The following EFCAB6 variants were observed in gnomAD, a reference collection of about 807,000 sequenced individuals.
EFCAB6 encodes the protein EF-hand calcium binding domain 6.
Under a neutral mutation model 169.8 loss-of-function variants are expected in EFCAB6, and 156 were observed. The ratio of observed to expected loss-of-function variants is 0.92; its 90% CI spans 0.81 to 1.05. The LOEUF is 1.05. EFCAB6 is among the 50% of genes least tolerant of loss of function. EFCAB6 has a pLI of 0.00. For synonymous variants in EFCAB6, 698 were observed against 676.4 expected (o/e 1.03, Z -0.50); for missense variants, 1,800 against 1,829.1 (o/e 0.98, Z 0.29).
At position 43,600,130 on chromosome 22, in the gene EFCAB6, G is replaced by A. The variant is rs757760448; in HGVS notation, c.2815C>T (p.Gln939Ter). The A allele has an allele frequency of 2.5e-6, 4 of 1,614,010 alleles. No individual in the cohort carries two copies. The highest frequency in any genetic ancestry group is 8.5e-7 in the Non-Finnish European group (1 of 1,180,030). The change falls in exon 23 of 32, where the codon CAG (glutamine) becomes TAG (stop). Residue 939 changes from glutamine to a stop codon, truncating the protein, a stop_gained. Coordinates refer to ENST00000262726, the MANE Select transcript of EFCAB6 (RefSeq NM_022785.4). LOFTEE classifies it high-confidence loss of function. ...FNFMGHFTKP[Q>*]QLQEEMKELQ... ...TCCTTCATCTCTTCCTGTAGCTGCT[G>A]TGGCTTTGTAAAATGACCCATGAAG... is the stretch of plus-strand genomic sequence containing the variant.
chr22:43,790,251 A>C (rs2062235244), intron 2 of EFCAB6, among the ~76,000 whole-genome samples: 1 of 152,202 alleles, frequency 6.6e-6, no homozygotes, highest in Non-Finnish European at 1.5e-5. Context: ...AATCCCACAC[A>C]CATCCTTCTT....
chr22:43,707,573 A>G (rs751386049), intron 10 of EFCAB6, among the ~76,000 whole-genome samples: 23 of 152,246 alleles, frequency 1.5e-4, no homozygotes, highest in Admixed American at 1.0e-3. Context: ...TCACAGCAAC[A>G]GCAGAGGCCA....
chr22:43,540,490 T>A, intron 27 of EFCAB6, 133 bp from the exon 28 acceptor site: 9 of 1,533,666 alleles, frequency 5.9e-6, no homozygotes, highest in East Asian at 4.9e-5. Flanking sequence ...AGAAGAAAAT[T>A]AAAAAAATAA....
chr22:43,797,999 G>GA (rs772918048), intron 2 of EFCAB6, among the ~76,000 whole-genome samples: 13 of 152,110 alleles, frequency 8.5e-5, no homozygotes, highest in Non-Finnish European at 1.9e-4. Flanking sequence ...CACTTGAGTG[G>GA]ACATCAGGAT....
chr22:43,598,642 G>T (rs1438874884), intron 23 of EFCAB6, among the ~76,000 whole-genome samples: 1 of 152,130 alleles, frequency 6.6e-6, no homozygotes, highest in Non-Finnish European at 1.5e-5. Flanking sequence ...ATCTAAAAGA[G>T]TATAATTGGA....
chr22:43,606,611 C>G (rs545572458), intron 22 of EFCAB6, among the ~76,000 whole-genome samples: 2 of 152,324 alleles, frequency 1.3e-5, no homozygotes, highest in South Asian at 2.1e-4. Context: ...GGAGGCCACA[C>G]AGCAGGAAGC....
intron 26 of EFCAB6, among the ~76,000 whole-genome samples, 186 bp downstream of exon 26, chr22:43,576,111 G>A (rs1307821909): frequency 2.6e-5 from 4 of 152,044 alleles, no homozygotes; most frequent in Non-Finnish European, 4.4e-5. Flanking sequence ...TTCCAACAAA[G>A]TAAAGGATGC....
intron 2 of EFCAB6, among the ~76,000 whole-genome samples, chr22:43,805,327 C>T (rs957171155): frequency 6.6e-6 from 1 of 152,194 alleles, no homozygotes; most frequent in Admixed American, 6.5e-5. Flanking sequence ...CGATGTGATA[C>T]ATATACCCAA....
intron 6 of EFCAB6, among the ~76,000 whole-genome samples, chr22:43,751,431 G>C (rs1280768127): frequency 6.6e-6 from 1 of 152,172 alleles, no homozygotes; most frequent in Non-Finnish European, 1.5e-5. Flanking sequence ...CGTTAGCCTG[G>C]CAACACACTG....
chr22:43,776,126 G>A (rs920537969), intron 3 of EFCAB6, among the ~76,000 whole-genome samples: 2 of 152,234 alleles, frequency 1.3e-5, no homozygotes, highest in Non-Finnish European at 2.9e-5. Context: ...ATCTAAGCGG[G>A]ATGTCCATCT....
intron 30 of EFCAB6, among the ~76,000 whole-genome samples, chr22:43,532,479 G>A (rs912249385): frequency 2.0e-5 from 3 of 152,244 alleles, no homozygotes; most frequent in Non-Finnish European, 4.4e-5. Flanking sequence ...TTGCTGCCAC[G>A]TGTCTCCATG....
chr22:43,532,140 A>C (rs1475935800), intron 30 of EFCAB6: 2 of 141,474 alleles, frequency 1.4e-5, no homozygotes, highest in East Asian at 4.1e-4. Context: ...GGATTTGAGG[A>C]GTGGGGGCGG....
intron 26 of EFCAB6, among the ~76,000 whole-genome samples, chr22:43,555,621 G>A (rs993735650): frequency 3.3e-5 from 5 of 152,222 alleles, no homozygotes; most frequent in African/African-American, 1.2e-4. Flanking sequence ...CTGAAACTTT[G>A]TGAGACCCAC....
At chr22:43,797,498 A>C (rs1160623462) in intron 2 of EFCAB6, 2 of 152,368 alleles carry the variant, frequency 1.3e-5, no homozygotes, top group African/African-American at 4.8e-5. Flanking sequence ...AGGAAACCTT[A>C]GGCAAATCAC....
At chr22:43,549,581 T>C (rs2048267128) in intron 27 of EFCAB6, among the ~76,000 whole-genome samples, 1 of 152,194 alleles carries the variant, frequency 6.6e-6, no homozygotes, top group African/African-American at 2.4e-5. Context: ...CCTTGGTGGC[T>C]TTACAAGCAT....
chr22:43,784,664 C>CATATATATGTGTGTAT (rs1256765173), intron 2 of EFCAB6, among the ~76,000 whole-genome samples: 1 of 69,130 alleles, frequency 1.4e-5, no homozygotes, highest in Admixed American at 2.3e-4. Flanking sequence ...TGTATATATA[C>CATATATATGTGTGTAT]ATATACATAT....
intron 30 of EFCAB6, among the ~76,000 whole-genome samples, chr22:43,533,995 G>T (rs775141653): frequency 2.0e-5 from 3 of 152,224 alleles, no homozygotes; most frequent in Non-Finnish European, 4.4e-5. Flanking sequence ...GCTCATGCCT[G>T]TAATCACAGA....
At chr22:43,793,173 G>A (rs1331335888) in intron 2 of EFCAB6, among the ~76,000 whole-genome samples, 1 of 152,088 alleles carries the variant, frequency 6.6e-6, no homozygotes, top group East Asian at 1.9e-4. Flanking sequence ...ACACTTAGTT[G>A]AAGACAGCAT....
chr22:43,718,330 T>C (rs1291373219), intron 8 of EFCAB6, among the ~76,000 whole-genome samples: 1 of 152,200 alleles, frequency 6.6e-6, no homozygotes. Flanking sequence ...TCCTAAAATG[T>C]CTGCAAATAC....
Sources: allele counts gnomAD v4.1 joint callset (sites outside exome capture counted in the v4.1 genomes callset), GRCh38; gene constraint gnomAD v4.1.1; transcripts MANE v1.5; gene names NCBI Gene and HGNC (gene_info 2026-07-23, HGNC 2026-07-21).